DENND1A: variants seen among roughly 807,000 people sequenced by gnomAD.
DENND1A encodes DENN domain-containing protein 1A.
Under a neutral mutation model 113.7 loss-of-function variants are expected in DENND1A, and 51 were observed. That is an observed-to-expected ratio of 0.45 (90% CI 0.36 to 0.57). The LOEUF (loss-of-function observed/expected upper bound fraction) is 0.57, where lower values mean the gene tolerates loss of function less well. DENND1A is among the 20% of genes least tolerant of loss of function. The probability of loss-of-function intolerance (pLI) is 0.00; values close to 1 mark genes in which losing one functional copy is unlikely to be tolerated. For synonymous variants in DENND1A, 565 were observed against 570.8 expected (o/e 0.99, Z 0.14); for missense variants, 1,258 against 1,395.9 (o/e 0.90, Z 1.57).
chr9:123,479,896 C>G (rs887082522), intron 13 of DENND1A, among the ~76,000 whole-genome samples: 24 of 152,156 alleles, frequency 1.6e-4, no homozygotes, highest in African/African-American at 4.8e-4. Flanking sequence ...GTCAAAAGAC[C>G]ATTCCAAGAA....
chr9:123,883,108 G>C (rs1848550191), intron 1 of DENND1A, among the ~76,000 whole-genome samples: 1 of 152,072 alleles, frequency 6.6e-6, no homozygotes, highest in South Asian at 2.1e-4. Flanking sequence ...GGTCCTTCTT[G>C]GCATTGAAAA....
At chr9:123,666,935 C>A in intron 8 of DENND1A, 91 bp downstream of exon 8, 1 of 1,230,508 alleles carries the variant, frequency 8.1e-7, no homozygotes, top group Non-Finnish European at 1.1e-6. Flanking sequence ...TATAATGATA[C>A]TTTTAAATCA....
At chr9:123,623,456 G>A (rs1489810127) in intron 10 of DENND1A, among the ~76,000 whole-genome samples, 1 of 152,128 alleles carries the variant, frequency 6.6e-6, no homozygotes, top group Non-Finnish European at 1.5e-5. Flanking sequence ...TGGTTACATA[G>A]TTAATAAGAG....
At chr9:123,898,019 T>A (rs554434505) in intron 1 of DENND1A, among the ~76,000 whole-genome samples, 118 of 150,798 alleles carry the variant, frequency 7.8e-4, no homozygotes, top group Non-Finnish European at 1.4e-3. Flanking sequence ...CTAAAAAAAA[T>A]TTTTTTTTAA....
At chr9:123,805,427 A>G (rs1463254371) in intron 2 of DENND1A, among the ~76,000 whole-genome samples, 2 of 146,910 alleles carry the variant, frequency 1.4e-5, no homozygotes, top group Non-Finnish European at 3.0e-5. Flanking sequence ...GCCTGAAGGT[A>G]ATTTATACAA....
chr9:123,633,652 T>G (rs2061576681), intron 9 of DENND1A, among the ~76,000 whole-genome samples: 1 of 152,166 alleles, frequency 6.6e-6, no homozygotes, highest in South Asian at 2.1e-4. Context: ...GGCACATGCC[T>G]GTAGTCCCAG....
intron 9 of DENND1A, among the ~76,000 whole-genome samples, chr9:123,647,368 C>T (rs1348339752): frequency 6.6e-6 from 1 of 152,172 alleles, no homozygotes; most frequent in Non-Finnish European, 1.5e-5. Flanking sequence ...TGTTCGATTA[C>T]AAGGTTGGAG....
At chr9:123,539,982 T>C (rs1365382870) in intron 13 of DENND1A, among the ~76,000 whole-genome samples, 5 of 152,184 alleles carry the variant, frequency 3.3e-5, no homozygotes, top group African/African-American at 7.2e-5. Context: ...TAGCGGTACC[T>C]ACCTAGTGGG....
chr9:123,788,366 A>C (rs1832509108), intron 3 of DENND1A, among the ~76,000 whole-genome samples: 1 of 152,152 alleles, frequency 6.6e-6, no homozygotes, highest in South Asian at 2.1e-4. Flanking sequence ...TGAAAAAATC[A>C]TATAATGTTT....
chr9:123,419,747 AT>A (rs1416501661), intron 19 of DENND1A, among the ~76,000 whole-genome samples: 1 of 152,212 alleles, frequency 6.6e-6, no homozygotes, highest in Admixed American at 6.5e-5. Context: ...TTGAAGCGAT[AT>A]TTTTGTGGAG....
At chr9:123,629,033 G>A (rs756771640) in intron 10 of DENND1A, among the ~76,000 whole-genome samples, 10 of 152,222 alleles carry the variant, frequency 6.6e-5, no homozygotes, top group Non-Finnish European at 1.5e-4. Context: ...CTTGGGAAGA[G>A]GGTGAGCCCA....
At chr9:123,508,611 G>C (rs534079973) in intron 13 of DENND1A, among the ~76,000 whole-genome samples, 3 of 152,332 alleles carry the variant, frequency 2.0e-5, no homozygotes. Context: ...CACATCTTCA[G>C]TGAGGAAAAA....
Position 123,884,441 on chromosome 9 carries a change from CATG to C in DENND1A, c.18-5423_18-5421del, listed in dbSNP as rs529978445. On this transcript the variant is annotated intron_variant, in intron 1 of 23. Coordinates refer to ENST00000394215, the MANE Select transcript of DENND1A (RefSeq NM_001352964.2). The stretch of plus-strand genomic sequence containing the variant: ...TACCATGGAAATGTCCTGGCTCTGC[CATG>C]ATATCCCATTATTAATTGTTTCATT... Among the ~76,000 whole-genome samples the C allele has an allele frequency of 9.1e-4, 139 of 152,194 alleles. 1 individual carries two copies. Among genetic ancestry groups the C allele is most frequent in the African/African-American group, 3.2e-3 (132 of 41,528 alleles).
Position 123,744,770 on chromosome 9 carries a change from CT to C in DENND1A, c.302+12932del, listed in dbSNP as rs57945475. 9.6e-3 allele frequency among the ~76,000 whole-genome samples: 989 copies of C among 102,704 alleles called. 2 individuals carry two copies. Among genetic ancestry groups the C allele is most frequent in the East Asian group, 0.024 (90 of 3,760 alleles). The allele number at this position is 102,704 out of a possible 152,430, so 67.4% of individuals were successfully genotyped here. On this transcript the variant is annotated intron_variant, in intron 5 of 23. Coordinates refer to ENST00000394215, the MANE Select transcript of DENND1A (RefSeq NM_001352964.2). ...CCAATATTCTTTACTTATATTAGCT[CT>C]TTTTTTTTTTTTTTTTTTTTTGACA...
At chr9:123,583,594 C>T (rs200113957) in intron 11 of DENND1A, among the ~76,000 whole-genome samples, 13 of 152,260 alleles carry the variant, frequency 8.5e-5, no homozygotes, top group African/African-American at 2.9e-4. Context: ...ATTTAACAGA[C>T]GCTGAGGTCA....
intron 9 of DENND1A, among the ~76,000 whole-genome samples, chr9:123,639,200 G>A (rs1302608366): frequency 6.6e-6 from 1 of 151,876 alleles, no homozygotes; most frequent in Non-Finnish European, 1.5e-5. Flanking sequence ...CACTTACGGA[G>A]GCCAAGGCAG....
At chr9:123,426,012 C>G (rs559832559) in intron 19 of DENND1A, among the ~76,000 whole-genome samples, 1 of 152,314 alleles carries the variant, frequency 6.6e-6, no homozygotes, top group African/African-American at 2.4e-5. Flanking sequence ...GGACTCTGCC[C>G]AGGGCAGGGG....
At chr9:123,686,570 A>T (rs1392616108) in intron 5 of DENND1A, among the ~76,000 whole-genome samples, 1 of 152,230 alleles carries the variant, frequency 6.6e-6, no homozygotes, top group African/African-American at 2.4e-5. Context: ...GTCATGTGTC[A>T]GCTCTTTATT....
chr9:123,702,771 G>GT (rs2065956388), intron 5 of DENND1A, among the ~76,000 whole-genome samples: 1 of 152,134 alleles, frequency 6.6e-6, no homozygotes, highest in Non-Finnish European at 1.5e-5. Context: ...AGATAAGGGA[G>GT]TTCACTATCA....
Sources: allele counts gnomAD v4.1 joint callset (sites outside exome capture counted in the v4.1 genomes callset), GRCh38; gene constraint gnomAD v4.1.1; transcripts MANE v1.5; gene names NCBI Gene and HGNC (gene_info 2026-07-23, HGNC 2026-07-21).